Variants in SERPINB12 observed in about 807,000 individuals in gnomAD.
SERPINB12 encodes serpin B12.
In SERPINB12, 57 loss-of-function variants were observed where a neutral mutation model predicts 41.1. The observed-to-expected ratio is 1.39, with a 90% CI of 1.12 to 1.73. The LOEUF (loss-of-function observed/expected upper bound fraction) is 1.73. SERPINB12 is among the 40% of genes most tolerant of loss of function. The probability of loss-of-function intolerance (pLI) is 0.00; values close to 1 mark genes in which losing one functional copy is unlikely to be tolerated. For synonymous variants in SERPINB12, 180 were observed against 181.3 expected, an observed-to-expected ratio of 0.99 and a Z score of 0.06; for missense variants, 536 against 501.9, an observed-to-expected ratio of 1.07 and a Z score of -0.65.
intron 1 of SERPINB12, among the ~76,000 whole-genome samples, chr18:63,547,435 T>A (rs9676079): frequency 0.58 from 88,799 of 151,876 alleles, 27,910 homozygotes; most frequent in Middle Eastern, 0.72. Flanking sequence ...TTTTAGATAT[T>A]GGTTATTATT....
At chr18:63,550,776 AC>A (rs1910505194) in intron 1 of SERPINB12, among the ~76,000 whole-genome samples, 1 of 152,152 alleles carries the variant, frequency 6.6e-6, no homozygotes, top group Non-Finnish European at 1.5e-5. Context: ...GGGGGTATTT[AC>A]ACCATAGAAA....
intron 1 of SERPINB12, among the ~76,000 whole-genome samples, chr18:63,552,152 A>C (rs1463704613): frequency 6.6e-6 from 1 of 152,222 alleles, no homozygotes; most frequent in African/African-American, 2.4e-5. Flanking sequence ...TGTGCATGCC[A>C]TGATGTGAAT....
At chr18:63,531,307 G>A in the SERPINB12 span, among the ~76,000 whole-genome samples, 1 of 152,274 alleles carries the variant, frequency 6.6e-6, no homozygotes, top group East Asian at 1.9e-4. Context: ...TTACTAATTT[G>A]TGCCAACTTC....
At chr18:63,548,601 A>G (rs1229759628) in intron 1 of SERPINB12, among the ~76,000 whole-genome samples, 1 of 152,044 alleles carries the variant, frequency 6.6e-6, no homozygotes, top group Non-Finnish European at 1.5e-5. Context: ...ATATAATATG[A>G]AGAGTTCATA....
chr18:63,550,005 A>AT (rs1910483945), intron 1 of SERPINB12, among the ~76,000 whole-genome samples: 1 of 152,336 alleles, frequency 6.6e-6, no homozygotes, highest in Admixed American at 6.5e-5. Context: ...AACTTACAGG[A>AT]TTTTTTGAAA....
the SERPINB12 span, among the ~76,000 whole-genome samples, chr18:63,523,921 A>G: frequency 6.6e-6 from 1 of 152,214 alleles, no homozygotes; most frequent in African/African-American, 2.4e-5. Flanking sequence ...CTTCCAAGAT[A>G]TTGAATCTGA....
At chr18:63,559,507 G>A (rs12103954) in intron 3 of SERPINB12, 71 bp from the exon 4 acceptor site, 1,002,681 of 1,490,784 alleles carry the variant, frequency 0.67, 345,074 homozygotes, top group Non-Finnish European at 0.71. Context: ...TACAAAACAC[G>A]CATCTTTTAG....
chr18:63,562,319 G>A (rs1391036136), intron 5 of SERPINB12, among the ~76,000 whole-genome samples: 1 of 152,236 alleles, frequency 6.6e-6, no homozygotes, highest in Non-Finnish European at 1.5e-5. Context: ...TGATCATCGT[G>A]TGGGGCTGGC....
chr18:63,519,167 A>G, the SERPINB12 span, among the ~76,000 whole-genome samples: 2 of 152,168 alleles, frequency 1.3e-5, no homozygotes, highest in Non-Finnish European at 2.9e-5. Flanking sequence ...TTCTACCCGT[A>G]TGAGCATCCG....
At chr18:63,558,986 C>CTTTCTTTCT (rs1910774203) in intron 3 of SERPINB12, among the ~76,000 whole-genome samples, 1 of 84,528 alleles carries the variant, frequency 1.2e-5, no homozygotes, top group African/African-American at 5.6e-5. Flanking sequence ...AGATGATTGT[C>CTTTCTTTCT]TTTCTTTCTT....
At chr18:63,540,841 G>A (rs561999397), upstream of SERPINB12, among the ~76,000 whole-genome samples, 3 of 152,058 alleles carry the variant, frequency 2.0e-5, no homozygotes, top group Admixed American at 1.3e-4. Context: ...TCTTATGATT[G>A]GAATTTTAAA....
chr18:63,566,004 T>G (rs894996439), intron 7 of SERPINB12, among the ~76,000 whole-genome samples: 1 of 152,180 alleles, frequency 6.6e-6, no homozygotes, highest in Non-Finnish European at 1.5e-5. Flanking sequence ...TTTTGGGGAA[T>G]ATGTACCTTG....
upstream of SERPINB12, among the ~76,000 whole-genome samples, chr18:63,540,191 A>G (rs1031982012): frequency 1.3e-5 from 2 of 152,186 alleles, no homozygotes; most frequent in Admixed American, 1.3e-4. Flanking sequence ...AGTTGTACAA[A>G]ATGCTGATCT....
rs901006391 is a variant in SERPINB12, at chr18:63,542,644, A to G, written c.-19+152A>G. ...CGTTATTTTGCTACTTTCTTTTTTA[A>G]AAACTTTTATTTTAGGTCAGGGTGT... On this transcript the variant is annotated intron_variant, in intron 1 of 7. Coordinates refer to ENST00000382768, the MANE Select transcript of SERPINB12 (RefSeq NM_001307928.2). Among the ~76,000 whole-genome samples the G allele has an allele frequency of 6.6e-5, 10 of 152,204 alleles. No individual in the cohort carries two copies. The South Asian group carries it at 1.0e-3, about 16-fold the overall frequency.
At chr18:63,543,152 T>C (rs1910310054) in intron 1 of SERPINB12, among the ~76,000 whole-genome samples, 2 of 152,206 alleles carry the variant, frequency 1.3e-5, no homozygotes, top group Non-Finnish European at 2.9e-5. Flanking sequence ...TTATTAGGAA[T>C]GAATGAGATA....
rs1306702086 is a variant in SERPINB12 at position 63,569,036 on chromosome 18, C to G, written c.*2025C>G. On this transcript the variant is annotated 3_prime_UTR_variant, in exon 8 of 8. Coordinates refer to ENST00000382768, the MANE Select transcript of SERPINB12 (RefSeq NM_001307928.2). ...TTTTGGGGGCTGTTTCCATGTCTGACTTGGCACCACTGCCCGACACGTAGC... is the reference window on the plus strand; with the variant it reads ...TTTTGGGGGCTGTTTCCATGTCTGAGTTGGCACCACTGCCCGACACGTAGC... 6.6e-6 allele frequency among the ~76,000 whole-genome samples: 1 copy of G among 152,172 alleles called. No homozygotes were observed. The highest frequency in any genetic ancestry group is 1.5e-5 in the Non-Finnish European group (1 of 68,028).
chr18:63,565,459 T>A lies in SERPINB12; in HGVS notation c.720T>A (p.Ser240Arg). The A allele has an allele frequency of 6.2e-7, 1 of 1,612,752 alleles. No individual in the cohort carries two copies. ...GACTACTACAGAATGAAAACAAGAG[T>A]GTGAAGATGATGACGCAAAAAGGCC... is the stretch of plus-strand genomic sequence containing the variant. ...PFCLNANENK[S>R]VKMMTQKGLY... The change falls in exon 7 of 8, where the codon AGT (serine) becomes AGA (arginine). Residue 240 changes from serine to arginine, a missense_variant. Ser to Arg is a moderately radical substitution (Grantham distance 110). Transcript: ENST00000382768.
chr18:63,543,622 T>C (rs1347018311), intron 1 of SERPINB12, among the ~76,000 whole-genome samples: 1 of 151,684 alleles, frequency 6.6e-6, no homozygotes, highest in Admixed American at 6.6e-5. Context: ...TGAGACAGAG[T>C]CTCACTCTGT....
chr18:63,551,058 A>G (rs1038817792), intron 1 of SERPINB12, among the ~76,000 whole-genome samples: 6 of 152,060 alleles, frequency 3.9e-5, no homozygotes, highest in African/African-American at 9.7e-5. Flanking sequence ...TCACGAGGTC[A>G]GGAGATCGAG....
Sources: allele counts gnomAD v4.1 joint callset (sites outside exome capture counted in the v4.1 genomes callset), GRCh38; gene constraint gnomAD v4.1.1; transcripts MANE v1.5; gene names NCBI Gene and HGNC (gene_info 2026-07-23, HGNC 2026-07-21).